The following ZNF843 variants were observed in gnomAD, a reference collection of about 807,000 sequenced individuals.
ZNF843 encodes the protein zinc finger protein 843.
For missense variants in ZNF843, 482 were observed against 469.4 expected, an observed-to-expected ratio of 1.03 and a Z score of -0.25; for synonymous variants, 185 against 207.7, an observed-to-expected ratio of 0.89 and a Z score of 0.94.
rs1263323623 is a variant in ZNF843, at chr16:31,436,337, C to T, written c.513G>A (p.Lys171=). The T allele has an allele frequency of 2.6e-6, 4 of 1,546,718 alleles. No homozygotes were observed. The highest frequency in any genetic ancestry group is 3.5e-6 in the Non-Finnish European group (4 of 1,143,874). ...TCTCCACGCTCCCACCCCTGCAGGT[C>T]TTCTCCCCTGGGTGCGGAAGGACGC... ...SQRVLPHPGE[K]TCRGGSVESV... Residue 171 remains lysine (K), a synonymous_variant, in exon 2 of 2, where the codon AAG becomes AAA. Transcript: ENST00000315678.
chr16:31,435,580 G>A lies in ZNF843; in HGVS notation c.*223C>T. ...GCTGGGATTACAGGTGTGAGTCACC[G>A]CCCGCAGCCGCACCTGCCTAAATCC... is the stretch of plus-strand genomic sequence containing the variant. On this transcript the variant is annotated 3_prime_UTR_variant, in exon 2 of 2. Coordinates refer to ENST00000315678, the MANE Select transcript of ZNF843 (RefSeq NM_001136509.3). 3 of 416,714 alleles carry A rather than the reference G, an allele frequency of 7.2e-6. No homozygotes were observed. The highest frequency in any genetic ancestry group is 3.7e-5 in the East Asian group (1 of 27,072). The allele number at this position is 416,714 out of a possible 1,614,324, so 25.8% of individuals were successfully genotyped here.
chr16:31,435,652 A>G lies in ZNF843; in HGVS notation c.*151T>C, dbSNP rs2082175855. On this transcript the variant is annotated 3_prime_UTR_variant, in exon 2 of 2. Coordinates refer to ENST00000315678, the MANE Select transcript of ZNF843 (RefSeq NM_001136509.3). ...GCGAGAATTCAGGGGAAAAAAAACAAACAAAATAGCCCCCAGCACTTCTGA... is the reference window on the plus strand; with the variant it reads ...GCGAGAATTCAGGGGAAAAAAAACAGACAAAATAGCCCCCAGCACTTCTGA... The G allele has an allele frequency of 1.3e-6, 1 of 740,970 alleles. No homozygotes were observed. The highest frequency in any genetic ancestry group is 3.7e-5 in the Admixed American group (1 of 26,754). The allele number at this position is 740,970 out of a possible 1,614,324, so 45.9% of individuals were successfully genotyped here.
At chr16:31,443,106 A>G (rs1307451588), upstream of ZNF843, 1 of 152,084 alleles carries the variant, frequency 6.6e-6, no homozygotes, top group Non-Finnish European at 1.5e-5. Context: ...AGTCCGCGCC[A>G]TGCGCATGCA....
chr16:31,437,238 T>A (rs1261091751), intron 1 of ZNF843, 54 bp from the exon 2 acceptor site: 9 of 184,626 alleles, frequency 4.9e-5, no homozygotes, highest in Non-Finnish European at 1.2e-5. Context: ...AAAGGAGACT[T>A]TGCTTTCAGA....
At position 31,437,024 on chromosome 16, in the gene ZNF843, A is replaced by G; in HGVS notation, c.-175T>C. 1.6e-6 allele frequency: 1 copy of G among 615,620 alleles called. No individual in the cohort carries two copies. 38.1% of individuals were successfully genotyped at this position (615,620 alleles called of 1,614,324 possible). A position where few individuals can be genotyped will look rare whatever the true frequency, so the allele number is the denominator to read the frequency against. ...GCTGTCTGGAGAGTTCTCTAATGTA[A>G]GACGCTGGGCAATGTCATCTGAAGG... On this transcript the variant is annotated 5_prime_UTR_variant, in exon 2 of 2. Transcript: ENST00000315678.
In ZNF843 at chr16:31,435,768, A is replaced by C; in HGVS notation, c.*35T>G. 7.0e-7 allele frequency: 1 copy of C among 1,437,512 alleles called. No individual in the cohort carries two copies. The highest frequency in any genetic ancestry group is 2.6e-5 in the East Asian group (1 of 38,472). The allele number at this position is 1,437,512 out of a possible 1,614,324, so 89.0% of individuals were successfully genotyped here. A position where few individuals can be genotyped will look rare whatever the true frequency, so the allele number is the denominator to read the frequency against. ...AGATCCACAGTCCACCGGCGGCTGC[A>C]ACAATTCCACCCAGGGCTGCAGCAC... On this transcript the variant is annotated 3_prime_UTR_variant, in exon 2 of 2. Coordinates refer to ENST00000315678, the MANE Select transcript of ZNF843 (RefSeq NM_001136509.3).
chr16:31,442,473 A>C (rs983654620), intron 1 of ZNF843, among the ~76,000 whole-genome samples, 163 bp downstream of exon 1: 55 of 152,256 alleles, frequency 3.6e-4, no homozygotes, highest in Middle Eastern at 6.8e-3. Context: ...GGCGTCCGCC[A>C]CCACGCCCGG....
Position 31,436,144 on chromosome 16 carries a change from C to T in ZNF843, c.706G>A (p.Gly236Ser). The T allele has an allele frequency of 3.2e-6, 5 of 1,547,102 alleles. No homozygotes were observed. In the South Asian group the frequency reaches 3.6e-5, roughly 11 times the overall value. Residue 236 changes from glycine to serine, a missense_variant, in exon 2 of 2, where the codon GGC becomes AGC. Transcript: ENST00000315678. ...PLSLQPLVPS[G>S]LPAVPAVPLG... ...GGCACTGCAGGCACTGCGGGAAGGCCGGATGGAACCAGAGGCTGGAGACTG... is the reference window on the plus strand; with the variant it reads ...GGCACTGCAGGCACTGCGGGAAGGCTGGATGGAACCAGAGGCTGGAGACTG...
chr16:31,436,871 C>T lies in ZNF843; in HGVS notation c.-22G>A, dbSNP rs1450633096. 12 of 1,504,584 alleles carry T rather than the reference C, an allele frequency of 8.0e-6. No individual in the cohort carries two copies. The highest frequency in any genetic ancestry group is 1.7e-4 in the Middle Eastern group (1 of 5,752). 93.2% of individuals were successfully genotyped at this position (1,504,584 alleles called of 1,614,324 possible). On this transcript the variant is annotated 5_prime_UTR_variant, in exon 2 of 2. Coordinates refer to ENST00000315678, the MANE Select transcript of ZNF843 (RefSeq NM_001136509.3). Reference sequence around the variant, plus strand: ...TCATGAGCAGGGCTTCGGAGATGACCGCTCAGGGAGTAACTGTACGGGAGG... The same window carrying T: ...TCATGAGCAGGGCTTCGGAGATGACTGCTCAGGGAGTAACTGTACGGGAGG...
At chr16:31,442,091 G>A (rs867985834) in intron 1 of ZNF843, among the ~76,000 whole-genome samples, 2 of 152,252 alleles carry the variant, frequency 1.3e-5, no homozygotes, top group Non-Finnish European at 1.5e-5. Context: ...GAATCGCTGG[G>A]AAACGGCTCC....
rs1428046373 is a variant in ZNF843, at chr16:31,436,171, G to GT, written c.678dup (p.Leu227ThrfsTer64). 1 of 1,540,714 alleles carries GT rather than the reference G, an allele frequency of 6.5e-7. No individual in the cohort carries two copies. The highest frequency in any genetic ancestry group is 2.0e-5 in the Admixed American group (1 of 49,978). On this transcript the variant is annotated frameshift_variant, in exon 2 of 2. Coordinates refer to ENST00000315678, the MANE Select transcript of ZNF843 (RefSeq NM_001136509.3). LOFTEE classifies it low-confidence loss of function (END_TRUNC). ...GATGGAACCAGAGGCTGGAGACTGA[G>GT]TGGGGGGCCAGGATAAAGGAAGGGA...
intron 1 of ZNF843, among the ~76,000 whole-genome samples, chr16:31,440,884 C>A (rs2082199037): frequency 6.6e-6 from 1 of 152,186 alleles, no homozygotes. Context: ...AGTCCTTGTG[C>A]CAATTAAAAG....
chr16:31,440,495 T>C (rs911484958), intron 1 of ZNF843, among the ~76,000 whole-genome samples: 5 of 152,250 alleles, frequency 3.3e-5, no homozygotes, highest in African/African-American at 1.2e-4. Context: ...CATTCTTTCA[T>C]AATGATCTAT....
intron 1 of ZNF843, among the ~76,000 whole-genome samples, chr16:31,437,924 C>G (rs939927475): frequency 6.6e-6 from 1 of 152,114 alleles, no homozygotes; most frequent in African/African-American, 2.4e-5. Context: ...CTGCACATGG[C>G]CAATCAATGC....
chr16:31,439,219 C>T (rs1442875502), intron 1 of ZNF843, among the ~76,000 whole-genome samples: 5 of 152,068 alleles, frequency 3.3e-5, no homozygotes, highest in Non-Finnish European at 7.4e-5. Flanking sequence ...CAAGGAGTGC[C>T]CTTATGCACC....
chr16:31,436,568 C>T lies in ZNF843; in HGVS notation c.282G>A (p.Val94=). ...PLGRSHSSAG[V]RQGFSGQLCC... is the part of the protein sequence containing the mutation. ...AGAGCTGGCCGCTAAACCCTTGCCG[C>T]ACTCCCGCAGACGAATGGCTTCTCC... is the stretch of plus-strand genomic sequence containing the variant. Residue 94 remains valine (V), a synonymous_variant, in exon 2 of 2, where the codon GTG becomes GTA. Coordinates refer to ENST00000315678, the MANE Select transcript of ZNF843 (RefSeq NM_001136509.3). The T allele has an allele frequency of 6.4e-7, 1 of 1,550,572 alleles. No individual in the cohort carries two copies. The highest frequency in any genetic ancestry group is 8.7e-7 in the Non-Finnish European group (1 of 1,146,144).
chr16:31,441,755 G>A lies in ZNF843; in HGVS notation c.-336+881C>T, dbSNP rs186650781. 7.9e-5 allele frequency among the ~76,000 whole-genome samples: 12 copies of A among 152,210 alleles called. No individual in the cohort carries two copies. In the East Asian group the frequency reaches 2.3e-3, roughly 29 times the overall value. Reference sequence around the variant, plus strand: ...TCCCGCCTTGGCTTCCCGAAGTGCTGGGATTACAGACGTGAGCCGCAGCGC... The same window carrying A: ...TCCCGCCTTGGCTTCCCGAAGTGCTAGGATTACAGACGTGAGCCGCAGCGC... On this transcript the variant is annotated intron_variant, in intron 1 of 1. Coordinates refer to ENST00000315678, the MANE Select transcript of ZNF843 (RefSeq NM_001136509.3).
chr16:31,438,283 A>C (rs972148647), intron 1 of ZNF843, among the ~76,000 whole-genome samples: 4 of 152,270 alleles, frequency 2.6e-5, no homozygotes, highest in Non-Finnish European at 5.9e-5. Context: ...GGGGCCCCTC[A>C]GGCCACAAAG....
At position 31,436,957 on chromosome 16, in the gene ZNF843, A is replaced by G; in HGVS notation, c.-108T>C. On this transcript the variant is annotated 5_prime_UTR_variant, in exon 2 of 2. Transcript: ENST00000315678. Reference sequence around the variant, plus strand: ...CGCACTCAGGCTTCCCGTGGCCACGAGCTCACAGTCTGGGAGCAGCACCCG... The same window carrying G: ...CGCACTCAGGCTTCCCGTGGCCACGGGCTCACAGTCTGGGAGCAGCACCCG... 1 of 1,114,300 alleles carries G rather than the reference A, an allele frequency of 9.0e-7. No individual in the cohort carries two copies. Among genetic ancestry groups the G allele is most frequent in the Non-Finnish European group, 1.3e-6 (1 of 793,832 alleles). The allele number at this position is 1,114,300 out of a possible 1,614,324, so 69.0% of individuals were successfully genotyped here. A position where few individuals can be genotyped will look rare whatever the true frequency, so the allele number is the denominator to read the frequency against.
Sources: allele counts gnomAD v4.1 joint callset (sites outside exome capture counted in the v4.1 genomes callset), GRCh38; gene constraint gnomAD v4.1.1; transcripts MANE v1.5; gene names NCBI Gene and HGNC (gene_info 2026-07-23, HGNC 2026-07-21).